Variants in GLRA3 observed in about 807,000 individuals in gnomAD.
GLRA3 encodes glycine receptor subunit alpha-3.
In GLRA3, 44 loss-of-function variants were observed where a neutral mutation model predicts 60.4. The ratio of observed to expected loss-of-function variants is 0.73; its 90% confidence interval spans 0.57 to 0.94. GLRA3 has a LOEUF of 0.94. GLRA3 is among the 40% of genes least tolerant of loss of function. GLRA3 has a pLI of 0.00. For synonymous variants in GLRA3, 223 were observed against 192.9 expected, an observed-to-expected ratio of 1.16 and a Z score of -1.29; for missense variants, 508 against 564.6, an observed-to-expected ratio of 0.90 and a Z score of 1.02.
intron 7 of GLRA3, among the ~76,000 whole-genome samples, chr4:174,671,058 C>A (rs1045405754): frequency 6.6e-6 from 1 of 151,212 alleles, no homozygotes; most frequent in Admixed American, 6.6e-5. Flanking sequence ...CTAGTATGAT[C>A]CATGAACATT....
chr4:174,748,655 C>A (rs905481333), intron 3 of GLRA3, among the ~76,000 whole-genome samples: 5 of 151,994 alleles, frequency 3.3e-5, no homozygotes, highest in Admixed American at 1.3e-4. Context: ...GAACATTATA[C>A]CCAGGTTAAA....
At chr4:174,682,656 C>A in intron 6 of GLRA3, 146 bp downstream of exon 6, 1 of 541,314 alleles carries the variant, frequency 1.8e-6, no homozygotes, top group African/African-American at 1.9e-5. Flanking sequence ...TCAAAGTATT[C>A]ATAGGTTTCA....
At chr4:174,823,887 A>T (rs1483741013) in intron 1 of GLRA3, among the ~76,000 whole-genome samples, 1 of 152,212 alleles carries the variant, frequency 6.6e-6, no homozygotes, top group Non-Finnish European at 1.5e-5. Context: ...ATAAATCTGC[A>T]ACTTCATCAC....
At chr4:174,795,101 T>G (rs1047659764) in intron 1 of GLRA3, among the ~76,000 whole-genome samples, 4 of 151,158 alleles carry the variant, frequency 2.6e-5, no homozygotes, top group Non-Finnish European at 5.9e-5. Context: ...AACATGTTGT[T>G]AAAATAGCTT....
Position 174,643,097 on chromosome 4 carries a change from C to T in GLRA3, c.*689G>A. ...TGTTTCCCGTATTTCCACCTTCGTT[C>T]CTAGAGATACAAAGTTTAAGAAAAG... On this transcript the variant is annotated 3_prime_UTR_variant, in exon 10 of 10. Coordinates refer to ENST00000274093, the MANE Select transcript of GLRA3 (RefSeq NM_006529.4). The T allele has an allele frequency of 1.1e-6, 1 of 927,666 alleles. No homozygotes were observed. The highest frequency in any genetic ancestry group is 1.3e-6 in the Non-Finnish European group (1 of 778,554). 57.5% of individuals were successfully genotyped at this position (927,666 alleles called of 1,614,324 possible). A position where few individuals can be genotyped will look rare whatever the true frequency, so the allele number is the denominator to read the frequency against.
chr4:174,781,267 G>A (rs1171095873), intron 2 of GLRA3, among the ~76,000 whole-genome samples: 2 of 150,712 alleles, frequency 1.3e-5, no homozygotes, highest in African/African-American at 4.9e-5. Flanking sequence ...TGAAACCAAT[G>A]AGAACAAAGA....
chr4:174,768,715 G>A (rs1429227310), intron 2 of GLRA3, among the ~76,000 whole-genome samples: 1 of 152,058 alleles, frequency 6.6e-6, no homozygotes, highest in African/African-American at 2.4e-5. Flanking sequence ...GGGAATTAAA[G>A]CACAGTGACC....
intron 1 of GLRA3, among the ~76,000 whole-genome samples, chr4:174,802,166 T>C (rs1739839086): frequency 6.6e-6 from 1 of 152,030 alleles, no homozygotes; most frequent in Admixed American, 6.6e-5. Flanking sequence ...TTCTCATTTC[T>C]CATCCTTGTG....
chr4:174,770,218 T>G (rs896336128), intron 2 of GLRA3, among the ~76,000 whole-genome samples: 6 of 152,114 alleles, frequency 3.9e-5, no homozygotes, highest in Admixed American at 3.9e-4. Context: ...GGCCTTTAAA[T>G]CCTATACTAC....
intron 5 of GLRA3, among the ~76,000 whole-genome samples, chr4:174,701,323 G>A (rs1054927982): frequency 1.3e-5 from 2 of 152,134 alleles, no homozygotes; most frequent in African/African-American, 2.4e-5. Flanking sequence ...CCTGTTTACC[G>A]CATAGTTAAC....
In GLRA3 at chr4:174,671,065, C is replaced by T. The variant is rs993745350; in HGVS notation, c.927+6013G>A. On this transcript the variant is annotated intron_variant, in intron 7 of 9. Transcript: ENST00000274093. ...CATATTAGCTAGTATGATCCATGAA[C>T]ATTTAAAAAATTTAGTTGAATATGT... is the stretch of plus-strand genomic sequence containing the variant. Among the ~76,000 whole-genome samples the T allele has an allele frequency of 2.0e-5, 3 of 151,624 alleles. No individual in the cohort carries two copies. The East Asian group carries it at 5.8e-4, about 29-fold the overall frequency.
chr4:174,710,445 C>T (rs1260350458), intron 5 of GLRA3, among the ~76,000 whole-genome samples: 3 of 152,016 alleles, frequency 2.0e-5, no homozygotes, highest in Admixed American at 6.6e-5. Flanking sequence ...CCAGTTCTCC[C>T]GATTGAGAGG....
intron 5 of GLRA3, among the ~76,000 whole-genome samples, chr4:174,685,500 T>C (rs1734522211): frequency 1.3e-5 from 2 of 152,136 alleles, no homozygotes; most frequent in Admixed American, 1.3e-4. Context: ...GTCATTGAGA[T>C]TGAAGGAAGC....
At chr4:174,712,430 T>C (rs1481980785) in intron 5 of GLRA3, 1 of 152,176 alleles carries the variant, frequency 6.6e-6, no homozygotes, top group Non-Finnish European at 1.5e-5. Context: ...CAACATAATA[T>C]GTGGAATATA....
chr4:174,817,428 T>C (rs767378883), intron 1 of GLRA3, among the ~76,000 whole-genome samples: 3 of 152,186 alleles, frequency 2.0e-5, no homozygotes, highest in Non-Finnish European at 2.9e-5. Context: ...GAAAAATCTT[T>C]CTTAAACCAA....
intron 2 of GLRA3, among the ~76,000 whole-genome samples, chr4:174,784,463 A>C (rs1470290737): frequency 7.3e-6 from 1 of 137,602 alleles, no homozygotes; most frequent in African/African-American, 2.7e-5. Context: ...AACTTAAAGT[A>C]TAATTAAAAA....
chr4:174,724,190 T>C (rs951068238), intron 4 of GLRA3, among the ~76,000 whole-genome samples: 1 of 151,994 alleles, frequency 6.6e-6, no homozygotes, highest in African/African-American at 2.4e-5. Context: ...ATGGGGTTAT[T>C]ACTGTGTTCA....
intron 1 of GLRA3, among the ~76,000 whole-genome samples, chr4:174,817,116 C>G (rs1740537329): frequency 1.3e-5 from 2 of 152,180 alleles, no homozygotes; most frequent in Non-Finnish European, 2.9e-5. Context: ...AGAAGTTCAG[C>G]ATGCCACTTC....
intron 4 of GLRA3, among the ~76,000 whole-genome samples, chr4:174,727,347 G>T (rs115345007): frequency 1.5e-3 from 232 of 152,278 alleles, no homozygotes; most frequent in Middle Eastern, 0.01. Context: ...CATTCCTGAT[G>T]AGAAGGAAAG....
Sources: allele counts gnomAD v4.1 joint callset (sites outside exome capture counted in the v4.1 genomes callset), GRCh38; gene constraint gnomAD v4.1.1; transcripts MANE v1.5; gene names NCBI Gene and HGNC (gene_info 2026-07-23, HGNC 2026-07-21).